AUTS2: variants seen among roughly 807,000 people sequenced by gnomAD.
The protein encoded by AUTS2 is autism susceptibility gene 2 protein.
A neutral mutation model predicts 112.4 loss-of-function variants in AUTS2; 17 were observed. That is an observed-to-expected ratio of 0.15 (90% confidence interval 0.10 to 0.23). The LOEUF is 0.23. AUTS2 is among the 10% of genes least tolerant of loss of function. The pLI is 1.00. For missense variants in AUTS2, 1,510 were observed against 1,701.6 expected, an observed-to-expected ratio of 0.89 and a Z score of 1.98; for synonymous variants, 751 against 702.7, an observed-to-expected ratio of 1.07 and a Z score of -1.09.
chr7:69,767,184 C>CTT (rs1248627158), intron 1 of AUTS2, among the ~76,000 whole-genome samples: 3 of 144,868 alleles, frequency 2.1e-5, no homozygotes, highest in Non-Finnish European at 1.5e-5. Context: ...TTGTCATCGT[C>CTT]TTTTTTTTTT....
intron 1 of AUTS2, among the ~76,000 whole-genome samples, chr7:69,865,098 G>A (rs913053725): frequency 6.7e-6 from 1 of 150,356 alleles, no homozygotes; most frequent in Non-Finnish European, 1.5e-5. Context: ...ATTATAGGAT[G>A]GTAGGTTTTT....
chr7:70,494,417 G>T (rs1798367548), intron 5 of AUTS2, among the ~76,000 whole-genome samples: 2 of 152,168 alleles, frequency 1.3e-5, no homozygotes, highest in African/African-American at 4.8e-5. Context: ...TCAGCCTCAT[G>T]AAGAGCTTGT....
intron 1 of AUTS2, among the ~76,000 whole-genome samples, chr7:69,880,485 T>A (rs192541863): frequency 6.6e-6 from 1 of 152,286 alleles, no homozygotes; most frequent in East Asian, 1.9e-4. Context: ...CTCCTCCTCA[T>A]CATCATAATT....
chr7:70,169,511 G>T (rs572603270), intron 4 of AUTS2, among the ~76,000 whole-genome samples: 2 of 152,234 alleles, frequency 1.3e-5, no homozygotes, highest in East Asian at 1.9e-4. Flanking sequence ...AAAGTGCTGG[G>T]ATTACAGGCA....
At position 70,139,770 on chromosome 7, in the gene AUTS2, G is replaced by A. The variant is rs570297696; in HGVS notation, c.660+5199G>A. Among the ~76,000 whole-genome samples, 28 of 152,208 alleles carry A rather than the reference G, an allele frequency of 1.8e-4. No individual in the cohort carries two copies. In the South Asian group the frequency reaches 5.4e-3, roughly 29 times the overall value. ...ATCCAGCATTTTGGGAGACTGAGGC[G>A]GGTGGATCACTTGAGGTCAGGAGTT... On this transcript the variant is annotated intron_variant, in intron 4 of 18. Coordinates refer to ENST00000342771, the MANE Select transcript of AUTS2 (RefSeq NM_015570.4).
chr7:70,164,284 C>T (rs1808267809), intron 4 of AUTS2, among the ~76,000 whole-genome samples: 1 of 151,968 alleles, frequency 6.6e-6, no homozygotes, highest in African/African-American at 2.4e-5. Flanking sequence ...AAGTAGTAAA[C>T]CAATATTGCT....
chr7:70,431,810 A>G (rs1223908934), intron 4 of AUTS2, among the ~76,000 whole-genome samples: 1 of 152,248 alleles, frequency 6.6e-6, no homozygotes, highest in Non-Finnish European at 1.5e-5. Context: ...AACCAGGGGA[A>G]GAGACGGTGA....
Position 70,792,468 on chromosome 7 carries a change from CGTT to C in AUTS2, c.*1476_*1478del, listed in dbSNP as rs1055430951. On this transcript the variant is annotated 3_prime_UTR_variant, in exon 19 of 19. Transcript: ENST00000342771. ...TCTAGTATATTAAAGTGCTATCTGA[CGTT>C]GTTATCCTGTTTTTGCAAAAAAAAA... The C allele has an allele frequency of 3.5e-5, 5 of 141,536 alleles. No homozygotes were observed. Among genetic ancestry groups the C allele is most frequent in the African/African-American group, 8.0e-5 (3 of 37,734 alleles). The allele number at this position is 141,536 out of a possible 1,614,324, so 8.8% of individuals were successfully genotyped here.
chr7:69,660,399 T>C (rs1795737810), intron 1 of AUTS2, among the ~76,000 whole-genome samples: 1 of 152,218 alleles, frequency 6.6e-6, no homozygotes, highest in Non-Finnish European at 1.5e-5. Context: ...TGTTCACTTC[T>C]GAACCTTTTT....
chr7:69,754,526 C>T (rs1787870779), intron 1 of AUTS2, among the ~76,000 whole-genome samples: 1 of 151,928 alleles, frequency 6.6e-6, no homozygotes, highest in Non-Finnish European at 1.5e-5. Context: ...TTGCTCATGG[C>T]ATGGTAGAAG....
intron 4 of AUTS2, among the ~76,000 whole-genome samples, chr7:70,144,218 C>G (rs1173357416): frequency 6.6e-6 from 1 of 152,072 alleles, no homozygotes; most frequent in African/African-American, 2.4e-5. Flanking sequence ...AAAATAGACT[C>G]AACTTTGCCA....
intron 4 of AUTS2, among the ~76,000 whole-genome samples, chr7:70,344,071 G>A (rs1359779347): frequency 6.6e-6 from 1 of 152,108 alleles, no homozygotes; most frequent in African/African-American, 2.4e-5. Context: ...GGTCGTGCAG[G>A]TTCAGGATCA....
intron 1 of AUTS2, among the ~76,000 whole-genome samples, chr7:69,759,733 A>C (rs1214545190): frequency 1.7e-3 from 50 of 29,508 alleles, no homozygotes; most frequent in East Asian, 2.7e-3. Context: ...CATAGCCCCC[A>C]CTTTATTTGC....
intron 2 of AUTS2, among the ~76,000 whole-genome samples, chr7:70,029,867 C>CT (rs1800698129): frequency 6.6e-6 from 1 of 152,118 alleles, no homozygotes; most frequent in South Asian, 2.1e-4. Flanking sequence ...TCCAGTAAAA[C>CT]TTTATTTACA....
rs558970609 is a variant in AUTS2, at chr7:70,600,263, TTTTTGTTTTG to T, written c.691-98286_691-98277del. On this transcript the variant is annotated intron_variant, in intron 5 of 18. Coordinates refer to ENST00000342771, the MANE Select transcript of AUTS2 (RefSeq NM_015570.4). ...CAGTAATTTTGTGGGGTTTTTAGGT[TTTTTGTTTTG>T]TTTTGTTTTGTTTTGTTTTTGAGAC... is the stretch of plus-strand genomic sequence containing the variant. Among the ~76,000 whole-genome samples the T allele has an allele frequency of 9.2e-5, 14 of 152,248 alleles. No homozygotes were observed. The South Asian group carries it at 2.1e-3, about 23-fold the overall frequency.
At chr7:70,556,938 C>G (rs1489455958) in intron 5 of AUTS2, among the ~76,000 whole-genome samples, 1 of 152,162 alleles carries the variant, frequency 6.6e-6, no homozygotes, top group Non-Finnish European at 1.5e-5. Flanking sequence ...CTTCAGAACC[C>G]AACTTTAGTC....
chr7:69,969,443 A>T (rs979686183), intron 2 of AUTS2, among the ~76,000 whole-genome samples: 3 of 152,174 alleles, frequency 2.0e-5, no homozygotes, highest in Admixed American at 6.5e-5. Flanking sequence ...TTTTATGAGG[A>T]TAGAAGAAAA....
At chr7:69,869,102 A>AT (rs1469077956) in intron 1 of AUTS2, among the ~76,000 whole-genome samples, 2 of 152,142 alleles carry the variant, frequency 1.3e-5, no homozygotes, top group Non-Finnish European at 2.9e-5. Context: ...TTTGGGCAGG[A>AT]TTTTTTTGAA....
chr7:70,335,524 C>G (rs1293717031), intron 4 of AUTS2, among the ~76,000 whole-genome samples: 1 of 152,172 alleles, frequency 6.6e-6, no homozygotes, highest in African/African-American at 2.4e-5. Context: ...TTCTAGAGAC[C>G]TTCCAGCATA....
Sources: allele counts gnomAD v4.1 joint callset (sites outside exome capture counted in the v4.1 genomes callset), GRCh38; gene constraint gnomAD v4.1.1; transcripts MANE v1.5; gene names NCBI Gene and HGNC (gene_info 2026-07-23, HGNC 2026-07-21).